RPH3A: variants seen among roughly 807,000 people sequenced by gnomAD.
RPH3A encodes the protein rabphilin 3A.
A neutral mutation model predicts 102.2 loss-of-function variants in RPH3A; 48 were observed. The observed-to-expected ratio is 0.47, with a 90% CI of 0.37 to 0.60. The LOEUF is 0.60. Ranked by LOEUF, RPH3A falls within the 20% of genes least tolerant of loss-of-function variation. The pLI, the probability that RPH3A is intolerant of heterozygous loss-of-function variation, is 0.00. For missense variants in RPH3A, 781 were observed against 910.1 expected (o/e 0.86, Z 1.83); for synonymous variants, 310 against 324.3 (o/e 0.96, Z 0.47).
chr12:112,621,284 C>G (rs1171407636), intron 1 of RPH3A, among the ~76,000 whole-genome samples: 1 of 151,312 alleles, frequency 6.6e-6, no homozygotes, highest in Non-Finnish European at 1.5e-5. Flanking sequence ...TTCTGCATTT[C>G]CATCTGAGGT....
At chr12:112,728,813 G>T (rs1186024151) in intron 1 of RPH3A, among the ~76,000 whole-genome samples, 1 of 152,160 alleles carries the variant, frequency 6.6e-6, no homozygotes, top group Non-Finnish European at 1.5e-5. Flanking sequence ...TCTTAACAGG[G>T]GAGGGGTGAG....
chr12:112,739,813 G>C (rs2040695657), intron 1 of RPH3A, among the ~76,000 whole-genome samples: 1 of 152,182 alleles, frequency 6.6e-6, no homozygotes, highest in African/African-American at 2.4e-5. Context: ...GAAGGCAGAA[G>C]GAAGGAAAGA....
chr12:112,736,001 C>G (rs773457206), intron 1 of RPH3A, among the ~76,000 whole-genome samples: 16 of 152,194 alleles, frequency 1.1e-4, no homozygotes, highest in Admixed American at 1.3e-4. Context: ...TTCTTCTTGA[C>G]TTTGCATAGG....
At chr12:112,805,301 T>C (rs1383008453) in intron 2 of RPH3A, among the ~76,000 whole-genome samples, 1 of 151,548 alleles carries the variant, frequency 6.6e-6, no homozygotes, top group Non-Finnish European at 1.5e-5. Context: ...ACATTTAGTG[T>C]GTGTACGAAT....
intron 4 of RPH3A, among the ~76,000 whole-genome samples, chr12:112,842,279 T>G (rs891131226): frequency 2.0e-5 from 3 of 152,220 alleles, no homozygotes; most frequent in Admixed American, 6.5e-5. Flanking sequence ...TATTTAATAA[T>G]AAGAAAAAGA....
At chr12:112,694,630 GCA>G (rs1204920260) in intron 1 of RPH3A, among the ~76,000 whole-genome samples, 20 of 117,146 alleles carry the variant, frequency 1.7e-4, no homozygotes, top group African/African-American at 7.3e-4. Flanking sequence ...AAAGACACAC[GCA>G]CGCGCGCGCG....
chr12:112,865,530 A>G lies in RPH3A; in HGVS notation c.347A>G (p.Glu116Gly), dbSNP rs2042596046. Residue 116 changes from glutamate (E) to glycine (G), a missense_variant, in exon 6 of 22, where the codon GAG becomes GGG. Transcript: ENST00000389385. ...GMLGSACVVC[E>G]DCKKNVCTKC... ...CTGGGCTCTGCCTGTGTAGTATGTG[A>G]GGACTGTAAGAAGGTATCATCATCC... The G allele has an allele frequency of 6.2e-7, 1 of 1,613,526 alleles. No individual in the cohort carries two copies. The highest frequency in any genetic ancestry group is 8.5e-7 in the Non-Finnish European group (1 of 1,179,938).
At chr12:112,774,696 T>A (rs1478339848) in intron 1 of RPH3A, among the ~76,000 whole-genome samples, 1 of 151,674 alleles carries the variant, frequency 6.6e-6, no homozygotes, top group East Asian at 1.9e-4. Context: ...AAACACCACA[T>A]GTTCTCACTT....
chr12:112,604,079 G>A (rs2039577178), intron 1 of RPH3A, among the ~76,000 whole-genome samples: 1 of 152,196 alleles, frequency 6.6e-6, no homozygotes, highest in African/African-American at 2.4e-5. Context: ...ATAAGCCATT[G>A]AGGTAATCAA....
chr12:112,806,502 G>T (rs1490374380), intron 2 of RPH3A, among the ~76,000 whole-genome samples: 1 of 152,112 alleles, frequency 6.6e-6, no homozygotes, highest in East Asian at 1.9e-4. Context: ...AGGCATAGTG[G>T]CAGGTGCCTG....
chr12:112,863,965 A>G (rs556922852), intron 5 of RPH3A, among the ~76,000 whole-genome samples: 6 of 152,374 alleles, frequency 3.9e-5, no homozygotes, highest in South Asian at 4.1e-4. Context: ...AACAGAACAG[A>G]CAAGGTGCCT....
At chr12:112,821,855 T>C (rs2041786059) in intron 2 of RPH3A, among the ~76,000 whole-genome samples, 1 of 152,212 alleles carries the variant, frequency 6.6e-6, no homozygotes, top group Non-Finnish European at 1.5e-5. Flanking sequence ...GTCTGGCACA[T>C]AGTAATGGTA....
At chr12:112,598,956 G>T (rs1008544813) in intron 1 of RPH3A, among the ~76,000 whole-genome samples, 1 of 152,096 alleles carries the variant, frequency 6.6e-6, no homozygotes, top group Non-Finnish European at 1.5e-5. Context: ...ATTTTTTTAG[G>T]TGTGAGGTTA....
chr12:112,806,046 C>T (rs1288693308), intron 2 of RPH3A, among the ~76,000 whole-genome samples: 1 of 152,188 alleles, frequency 6.6e-6, no homozygotes, highest in Non-Finnish European at 1.5e-5. Flanking sequence ...CTTAAAACCA[C>T]ATGGTTATAT....
intron 1 of RPH3A, among the ~76,000 whole-genome samples, chr12:112,756,068 G>T (rs1284372431): frequency 2.0e-5 from 3 of 152,106 alleles, no homozygotes; most frequent in African/African-American, 7.2e-5. Flanking sequence ...ACAATTTATT[G>T]TATAGTCTCA....
intron 1 of RPH3A, among the ~76,000 whole-genome samples, chr12:112,669,984 A>G (rs1256867157): frequency 1.3e-5 from 2 of 152,208 alleles, no homozygotes; most frequent in Non-Finnish European, 2.9e-5. Flanking sequence ...GTTACTATAA[A>G]CAATGTTATA....
At chr12:112,736,529 C>T (rs995818516) in intron 1 of RPH3A, among the ~76,000 whole-genome samples, 6 of 152,164 alleles carry the variant, frequency 3.9e-5, no homozygotes, top group African/African-American at 7.2e-5. Context: ...AAATGAGACA[C>T]GGAGTGTGAG....
intron 2 of RPH3A, 72 bp from the exon 3 acceptor site, chr12:112,828,229 A>G: frequency 2.9e-6 from 3 of 1,026,792 alleles, no homozygotes; most frequent in Non-Finnish European, 4.6e-6. Context: ...TGTGTGGCAT[A>G]AAGCAGGGAT....
chr12:112,759,794 T>C (rs542062015), intron 1 of RPH3A, among the ~76,000 whole-genome samples: 1 of 152,320 alleles, frequency 6.6e-6, no homozygotes, highest in East Asian at 1.9e-4. Context: ...CAGCCACCAC[T>C]ACATCTCTTC....
Sources: gnomAD v4.1 joint callset for allele counts (sites outside exome capture counted in the v4.1 genomes callset) on GRCh38, gnomAD v4.1.1 for gene constraint, MANE v1.5 for transcripts, NCBI Gene and HGNC (gene_info 2026-07-23, HGNC 2026-07-21) for gene names.